The following SOHLH2 variants were observed in gnomAD, a reference collection of about 807,000 sequenced individuals.
SOHLH2 encodes spermatogenesis and oogenesis specific basic helix-loop-helix 2.
Under a neutral mutation model 50.4 loss-of-function variants are expected in SOHLH2, and 22 were observed. The observed-to-expected ratio is 0.44, with a 90% CI of 0.31 to 0.62. SOHLH2 has a LOEUF of 0.62. Ranked by LOEUF, SOHLH2 falls within the 20% of genes least tolerant of loss-of-function variation. The pLI, the probability that SOHLH2 is intolerant of heterozygous loss-of-function variation, is 0.08. For missense variants in SOHLH2, 412 were observed against 504.4 expected, an observed-to-expected ratio of 0.82 and a Z score of 1.76; for synonymous variants, 185 against 187.3, an observed-to-expected ratio of 0.99 and a Z score of 0.10.
intron 1 of SOHLH2, among the ~76,000 whole-genome samples, chr13:36,202,914 AC>A (rs1454952005): frequency 2.6e-5 from 4 of 152,194 alleles, no homozygotes; most frequent in African/African-American, 9.6e-5. Context: ...AAGCAACTCC[AC>A]AGGGCAGGAT....
chr13:36,212,765 T>C (rs1869202372), intron 1 of SOHLH2, among the ~76,000 whole-genome samples: 1 of 152,232 alleles, frequency 6.6e-6, no homozygotes, highest in African/African-American at 2.4e-5. Context: ...ATTAACACCT[T>C]GGTACATACC....
Position 36,174,858 on chromosome 13 carries a change from T to C in SOHLH2, c.653A>G (p.Lys218Arg). 1.3e-6 allele frequency: 2 copies of C among 1,576,284 alleles called. No homozygotes were observed. Among genetic ancestry groups the C allele is most frequent in the South Asian group, 1.2e-5 (1 of 83,572 alleles). Reference protein sequence around the residue: ...SKEKLRRERIKYCCEQLRTLL... With the variant: ...SKEKLRRERIRYCCEQLRTLL... Reference sequence around the variant, plus strand: ...AGTACGCAGCTGCTCACAGCAATATTTGATTCTTTCCCTGGACACAGAATT... The same window carrying C: ...AGTACGCAGCTGCTCACAGCAATATCTGATTCTTTCCCTGGACACAGAATT... The change falls in exon 7 of 11, where the codon AAA (lysine) becomes AGA (arginine). Residue 218 changes from lysine to arginine, a missense_variant. Lys to Arg is a conservative substitution (Grantham distance 26). Coordinates refer to ENST00000379881, the MANE Select transcript of SOHLH2 (RefSeq NM_017826.3).
At chr13:36,196,515 T>C (rs1887736826) in intron 2 of SOHLH2, among the ~76,000 whole-genome samples, 1 of 152,144 alleles carries the variant, frequency 6.6e-6, no homozygotes, top group South Asian at 2.1e-4. Context: ...AAGGGAATAA[T>C]GGACTGAGCA....
chr13:36,192,328 A>G (rs531025444), intron 4 of SOHLH2, among the ~76,000 whole-genome samples: 14 of 152,274 alleles, frequency 9.2e-5, no homozygotes, highest in South Asian at 6.2e-4. Flanking sequence ...AGACGAGACA[A>G]CTGGAAGCAG....
chr13:36,184,659 C>T (rs964853263), intron 6 of SOHLH2, among the ~76,000 whole-genome samples: 4 of 152,024 alleles, frequency 2.6e-5, no homozygotes, highest in Admixed American at 6.5e-5. Flanking sequence ...AGGGTTTCAC[C>T]GTGTTAGCTA....
At chr13:36,170,917 G>A (rs527673579) in intron 9 of SOHLH2, 130 bp from the exon 10 acceptor site, 15 of 1,386,510 alleles carry the variant, frequency 1.1e-5, no homozygotes, top group East Asian at 2.5e-5. Flanking sequence ...TGCTACACCC[G>A]AATGCTGATG....
intron 1 of SOHLH2, among the ~76,000 whole-genome samples, chr13:36,213,327 CCTCT>C (rs1367069755): frequency 6.6e-6 from 1 of 152,134 alleles, no homozygotes; most frequent in Non-Finnish European, 1.5e-5. Flanking sequence ...TAAATAGGTT[CCTCT>C]ATCTTGAAAA....
At chr13:36,214,040 A>ATTTTT in intron 1 of SOHLH2, among the ~76,000 whole-genome samples, 1 of 139,628 alleles carries the variant, frequency 7.2e-6, no homozygotes. Context: ...AAGGGCTAAG[A>ATTTTT]TTTTTTTTTT....
intron 5 of SOHLH2, among the ~76,000 whole-genome samples, chr13:36,190,823 G>A (rs373043527): frequency 6.6e-5 from 10 of 152,158 alleles, no homozygotes; most frequent in South Asian, 6.2e-4. Context: ...GGGTTAATAC[G>A]GCAAGCCTCT....
At chr13:36,174,383 C>A (rs950564315) in intron 8 of SOHLH2, 93 bp downstream of exon 8, 1 of 1,537,364 alleles carries the variant, frequency 6.5e-7, no homozygotes, top group African/African-American at 1.4e-5. Flanking sequence ...CCTGCACTTT[C>A]ACTGTGGATA....
In SOHLH2 at chr13:36,173,795, C is replaced by T; in HGVS notation, c.897G>A (p.Met299Ile). Residue 299 changes from methionine to isoleucine, a missense_variant, in exon 9 of 11, where the codon ATG (methionine) becomes ATA (isoleucine). By Grantham distance (10) the Met-to-Ile change is conservative. Coordinates refer to ENST00000379881, the MANE Select transcript of SOHLH2 (RefSeq NM_017826.3). ...TVMAQRENSVMSTYSPERGLQ... is the reference protein window; with the variant it reads ...TVMAQRENSVISTYSPERGLQ... ...GCCCTCTCTCAGGGGAGTAAGTGCT[C>T]ATCACACTGTTTTCCCTTGAAAGGA... 1 of 1,613,976 alleles carries T rather than the reference C, an allele frequency of 6.2e-7. No homozygotes were observed. The highest frequency in any genetic ancestry group is 2.2e-5 in the East Asian group (1 of 44,890).
At chr13:36,201,512 G>A (rs962421878) in intron 2 of SOHLH2, among the ~76,000 whole-genome samples, 4 of 149,444 alleles carry the variant, frequency 2.7e-5, no homozygotes, top group Non-Finnish European at 4.4e-5. Context: ...TCACTCTGTC[G>A]TCCAGGTTAG....
chr13:36,177,769 T>C (rs1214364053), intron 6 of SOHLH2, among the ~76,000 whole-genome samples: 1 of 152,156 alleles, frequency 6.6e-6, no homozygotes. Context: ...TTGCAGGTCT[T>C]TTTATTTTTT....
intron 1 of SOHLH2, 148 bp from the exon 2 acceptor site, chr13:36,202,241 A>C (rs1454638938): frequency 1.0e-6 from 1 of 971,286 alleles, no homozygotes; most frequent in Non-Finnish European, 1.5e-6. Flanking sequence ...GTCAACTATA[A>C]GCAGCTCAAG....
At chr13:36,171,293 A>T (rs933806781) in intron 9 of SOHLH2, among the ~76,000 whole-genome samples, 1 of 152,246 alleles carries the variant, frequency 6.6e-6, no homozygotes, top group Admixed American at 6.5e-5. Context: ...GTCTACTTTA[A>T]ATACAAATGT....
chr13:36,181,596 G>A (rs1037071845), intron 6 of SOHLH2, among the ~76,000 whole-genome samples: 25 of 152,080 alleles, frequency 1.6e-4, no homozygotes, highest in Non-Finnish European at 4.4e-5. Flanking sequence ...CAGAAGTTAT[G>A]CAAGTGCATT....
At chr13:36,171,951 G>T (rs1886970005) in intron 9 of SOHLH2, among the ~76,000 whole-genome samples, 1 of 152,150 alleles carries the variant, frequency 6.6e-6, no homozygotes, top group Non-Finnish European at 1.5e-5. Context: ...AGACTTGAAG[G>T]AAATACATTA....
At position 36,214,546 on chromosome 13, in the gene SOHLH2, G is replaced by C; in HGVS notation, c.-20C>G. ...AGCCATGGCCGCTGCGCACGTGCTG[G>C]GTCCTGGGGCAGCCTCCCAGCAGGA... On this transcript the variant is annotated 5_prime_UTR_variant, in exon 1 of 11. Transcript: ENST00000379881. 6.2e-7 allele frequency: 1 copy of C among 1,608,264 alleles called. No homozygotes were observed. Among genetic ancestry groups the C allele is most frequent in the Non-Finnish European group, 8.5e-7 (1 of 1,177,770 alleles).
chr13:36,208,113 A>G (rs1868893398), intron 1 of SOHLH2, among the ~76,000 whole-genome samples: 1 of 152,242 alleles, frequency 6.6e-6, no homozygotes, highest in South Asian at 2.1e-4. Flanking sequence ...AAACCATCAC[A>G]GTAATTAATA....
Sources: allele counts gnomAD v4.1 joint callset (sites outside exome capture counted in the v4.1 genomes callset), GRCh38; gene constraint gnomAD v4.1.1; transcripts MANE v1.5; gene names NCBI Gene and HGNC (gene_info 2026-07-23, HGNC 2026-07-21).